The following PKNOX2 variants were observed in gnomAD, a reference collection of about 807,000 sequenced individuals.
The protein encoded by PKNOX2 is homeobox protein PKNOX2.
PKNOX2 carries 14 observed loss-of-function variants against 53.1 expected under a neutral mutation model. The observed-to-expected ratio is 0.26, with a 90% CI of 0.17 to 0.41. PKNOX2 has a LOEUF of 0.41. Ranked by LOEUF, PKNOX2 falls within the 10% of genes least tolerant of loss-of-function variation. The pLI, the probability that PKNOX2 is intolerant of heterozygous loss-of-function variation, is 1.00. For synonymous variants in PKNOX2, 257 were observed against 242.8 expected, an observed-to-expected ratio of 1.06 and a Z score of -0.54; for missense variants, 496 against 602.8, an observed-to-expected ratio of 0.82 and a Z score of 1.85.
At chr11:125,317,040 A>G (rs1949239375) in intron 2 of PKNOX2, among the ~76,000 whole-genome samples, 2 of 152,250 alleles carry the variant, frequency 1.3e-5, no homozygotes, top group Admixed American at 1.3e-4. Context: ...CAATGTGCAC[A>G]GTATCTTCAC....
intron 10 of PKNOX2, among the ~76,000 whole-genome samples, chr11:125,413,238 G>A (rs1955667531): frequency 6.6e-6 from 1 of 152,206 alleles, no homozygotes; most frequent in South Asian, 2.1e-4. Context: ...AAAGGAGGCT[G>A]GAGGGAACCC....
intron 4 of PKNOX2, among the ~76,000 whole-genome samples, chr11:125,360,307 C>T (rs116206556): frequency 0.032 from 4,849 of 151,714 alleles, 271 homozygotes; most frequent in African/African-American, 0.11. Context: ...GCACTGGGGC[C>T]GGATCTGAAC....
At chr11:125,314,409 A>T (rs984834616) in intron 2 of PKNOX2, among the ~76,000 whole-genome samples, 5 of 152,138 alleles carry the variant, frequency 3.3e-5, no homozygotes, top group African/African-American at 1.2e-4. Context: ...TCAGAAGTCC[A>T]TCTGCATCTT....
intron 1 of PKNOX2, among the ~76,000 whole-genome samples, chr11:125,185,244 T>C (rs910074714): frequency 4.6e-5 from 7 of 152,240 alleles, no homozygotes; most frequent in African/African-American, 1.7e-4. Context: ...GTTACTGAGT[T>C]TGAGCTTGAA....
intron 2 of PKNOX2, among the ~76,000 whole-genome samples, chr11:125,299,153 A>T (rs921525837): frequency 2.0e-5 from 3 of 152,018 alleles, no homozygotes; most frequent in African/African-American, 7.2e-5. Context: ...GGTGCCACAC[A>T]CTTTTACACA....
chr11:125,244,319 C>T (rs993727924), intron 2 of PKNOX2, among the ~76,000 whole-genome samples: 7 of 152,170 alleles, frequency 4.6e-5, no homozygotes, highest in Admixed American at 2.6e-4. Context: ...GCTGGAGCTG[C>T]GTCCTGAGGA....
At chr11:125,288,368 C>T (rs1947054233) in intron 2 of PKNOX2, among the ~76,000 whole-genome samples, 1 of 152,154 alleles carries the variant, frequency 6.6e-6, no homozygotes, top group African/African-American at 2.4e-5. Flanking sequence ...CTTTTAAAAG[C>T]CTCCCAGATG....
At chr11:125,372,315 G>T (rs553970281) in intron 5 of PKNOX2, among the ~76,000 whole-genome samples, 4 of 152,202 alleles carry the variant, frequency 2.6e-5, no homozygotes, top group Non-Finnish European at 5.9e-5. Flanking sequence ...TGAGGCTCTC[G>T]CTGCCTCAAA....
chr11:125,274,728 A>G (rs1281038212), intron 2 of PKNOX2, among the ~76,000 whole-genome samples: 2 of 152,140 alleles, frequency 1.3e-5, no homozygotes, highest in Non-Finnish European at 2.9e-5. Flanking sequence ...GCCTCCTCGT[A>G]AAATATTCTA....
chr11:125,298,918 A>G (rs1947839418), intron 2 of PKNOX2, among the ~76,000 whole-genome samples: 1 of 152,178 alleles, frequency 6.6e-6, no homozygotes. Context: ...TCTCCAGATC[A>G]AGCCCTGTGT....
intron 2 of PKNOX2, among the ~76,000 whole-genome samples, chr11:125,237,343 G>A (rs1195716807): frequency 1.3e-5 from 2 of 152,160 alleles, no homozygotes; most frequent in East Asian, 1.9e-4. Context: ...CAGTTGCAAA[G>A]GTCCACCTAG....
At chr11:125,416,130 C>T (rs541665987) in intron 10 of PKNOX2, among the ~76,000 whole-genome samples, 125 of 151,346 alleles carry the variant, frequency 8.3e-4, no homozygotes, top group African/African-American at 2.9e-3. Context: ...GGTGAAACCC[C>T]GTCTCTACTA....
chr11:125,357,152 C>G (rs57824427), intron 4 of PKNOX2, among the ~76,000 whole-genome samples: 3 of 152,144 alleles, frequency 2.0e-5, no homozygotes, highest in Non-Finnish European at 4.4e-5. Context: ...CCAAAACAGA[C>G]TCTTCTCTTT....
Position 125,292,316 on chromosome 11 carries a change from G to A in PKNOX2, c.-129-39503G>A, listed in dbSNP as rs528513632. On this transcript the variant is annotated intron_variant, in intron 2 of 12. Transcript: ENST00000298282. ...CTCTGGGGCTTGTGCCCCTGACAGC[G>A]ATTATTTGTACATGTAAATCAGAAA... Among the ~76,000 whole-genome samples, 12 of 152,286 alleles carry A rather than the reference G, an allele frequency of 7.9e-5. No homozygotes were observed. In the East Asian group the frequency reaches 1.2e-3, roughly 15 times the overall value.
At chr11:125,328,985 C>T (rs1438574182) in intron 2 of PKNOX2, among the ~76,000 whole-genome samples, 1 of 152,208 alleles carries the variant, frequency 6.6e-6, no homozygotes, top group Non-Finnish European at 1.5e-5. Context: ...TTGGACTTGG[C>T]AATTCCACAT....
At chr11:125,378,904 G>T (rs969861678) in intron 5 of PKNOX2, among the ~76,000 whole-genome samples, 2 of 151,324 alleles carry the variant, frequency 1.3e-5, no homozygotes, top group African/African-American at 4.9e-5. Context: ...CTGTATTTTT[G>T]CATTCTTTCT....
At chr11:125,390,420 G>C (rs567427853) in intron 6 of PKNOX2, among the ~76,000 whole-genome samples, 1 of 152,280 alleles carries the variant, frequency 6.6e-6, no homozygotes, top group African/African-American at 2.4e-5. Context: ...GCCAGGTCTT[G>C]TTTCTCATTT....
At chr11:125,324,677 A>T (rs776887500) in intron 2 of PKNOX2, among the ~76,000 whole-genome samples, 8 of 152,314 alleles carry the variant, frequency 5.3e-5, no homozygotes, top group Non-Finnish European at 8.8e-5. Flanking sequence ...TCAGGAGGGA[A>T]TTGCTGAGCT....
At chr11:125,366,061 A>G (rs148272250) in intron 4 of PKNOX2, among the ~76,000 whole-genome samples, 22 of 152,302 alleles carry the variant, frequency 1.4e-4, no homozygotes, top group African/African-American at 5.1e-4. Context: ...TTATTTGTCT[A>G]TTTTGAAAAT....
Sources: gnomAD v4.1 joint callset for allele counts (sites outside exome capture counted in the v4.1 genomes callset) on GRCh38, gnomAD v4.1.1 for gene constraint, MANE v1.5 for transcripts, NCBI Gene and HGNC (gene_info 2026-07-23, HGNC 2026-07-21) for gene names.